Variants in PCDHA8 observed in about 807,000 individuals in gnomAD.
The protein encoded by PCDHA8 is protocadherin alpha 8, also known as protocadherin alpha-8.
In PCDHA8, 53 loss-of-function variants were observed where a neutral mutation model predicts 61.8. That is an observed-to-expected ratio of 0.86 (90% CI 0.69 to 1.08). The LOEUF (loss-of-function observed/expected upper bound fraction) is 1.08, where lower values mean the gene tolerates loss of function less well. Among genes scored for constraint, PCDHA8 ranks in the 50% least tolerant of loss-of-function variants. The pLI is 0.00. For missense variants in PCDHA8, 1,293 were observed against 1,245.0 expected (o/e 1.04, Z -0.58); for synonymous variants, 618 against 556.6 (o/e 1.11, Z -1.55).
At chr5:140,937,705 G>T (rs892429555) in intron 1 of PCDHA8, among the ~76,000 whole-genome samples, 2 of 151,928 alleles carry the variant, frequency 1.3e-5, no homozygotes, top group Admixed American at 6.6e-5. Context: ...GAGGTCAGGA[G>T]ATCAAGACCA....
chr5:140,868,950 C>T, intron 1 of PCDHA8: 2 of 1,308,056 alleles, frequency 1.5e-6, no homozygotes, highest in Admixed American at 5.4e-5. Flanking sequence ...AACAGTGAGG[C>T]ACTCCCATAC....
chr5:140,868,662 A>G (rs2050574102), intron 1 of PCDHA8: 1 of 163,768 alleles, frequency 6.1e-6, no homozygotes, highest in South Asian at 1.6e-4. Context: ...AGTATTTTAG[A>G]TAAGTAAAAG....
chr5:140,854,575 AT>A (rs1416298079), intron 1 of PCDHA8: 1 of 149,968 alleles, frequency 6.7e-6, no homozygotes, highest in Non-Finnish European at 1.5e-5. Context: ...TGTCATTCAG[AT>A]TTTAATAAAA....
At chr5:140,971,843 G>A (rs1250084892) in intron 1 of PCDHA8, among the ~76,000 whole-genome samples, 2 of 151,906 alleles carry the variant, frequency 1.3e-5, no homozygotes, top group African/African-American at 4.8e-5. Flanking sequence ...TGCAAGTCAT[G>A]CGTTAAATAT....
At chr5:140,877,207 G>C in intron 1 of PCDHA8, 3 of 1,613,796 alleles carry the variant, frequency 1.9e-6, no homozygotes, top group Non-Finnish European at 2.5e-6. Context: ...CGCAGTTAGC[G>C]AGTTGGTACC....
At chr5:140,987,316 G>A (rs13153056) in intron 3 of PCDHA8, among the ~76,000 whole-genome samples, 9,624 of 152,218 alleles carry the variant, frequency 0.063, 338 homozygotes, top group East Asian at 0.12. Flanking sequence ...AATGTACTGT[G>A]AAGTTTTAAG....
In PCDHA8 at chr5:140,998,789, C is replaced by T. The variant is rs920510450; in HGVS notation, c.2543-10838C>T. On this transcript the variant is annotated intron_variant, in intron 3 of 3. Transcript: ENST00000531613. ...ATGTTGGTCAGGCTGGTCTGGAACC[C>T]CTGACCTCAGGTGATCTGCCTGCCT... 4.6e-5 allele frequency among the ~76,000 whole-genome samples: 7 copies of T among 152,118 alleles called. 1 individual carries two copies. Among genetic ancestry groups the T allele is most frequent in the Admixed American group, 2.6e-4 (4 of 15,262 alleles).
chr5:140,981,862 T>C (rs1160188291), intron 2 of PCDHA8, among the ~76,000 whole-genome samples: 1 of 152,212 alleles, frequency 6.6e-6, no homozygotes, highest in African/African-American at 2.4e-5. Flanking sequence ...CTCCCAGCAA[T>C]GTTTTATGCT....
At position 140,843,079 on chromosome 5, in the gene PCDHA8, C is replaced by T. The variant is rs2150351971; in HGVS notation, c.1758C>T (p.Gly586=). Residue 586 remains glycine (G), a synonymous_variant, in exon 1 of 4, where the codon GGC becomes GGT. Coordinates refer to ENST00000531613, the MANE Select transcript of PCDHA8 (RefSeq NM_018911.3). ...GCAAGCTGGTGCCGCGGTCTGTGGG[C>T]GCGGGCCACGTGGTAGCGAAGGTGC... ...AASKLVPRSV[G]AGHVVAKVRA... The T allele has an allele frequency of 6.3e-6, 10 of 1,595,344 alleles. 2 individuals carry two copies. The highest frequency in any genetic ancestry group is 2.2e-5 in the East Asian group (1 of 44,804).
chr5:140,944,569 G>A (rs2093670092), intron 1 of PCDHA8, among the ~76,000 whole-genome samples: 1 of 152,158 alleles, frequency 6.6e-6, no homozygotes, highest in African/African-American at 2.4e-5. Context: ...GCAACTTACT[G>A]TAGAGATCAC....
At chr5:140,912,824 A>T (rs1391588183) in intron 1 of PCDHA8, among the ~76,000 whole-genome samples, 3 of 152,170 alleles carry the variant, frequency 2.0e-5, no homozygotes, top group Non-Finnish European at 4.4e-5. Flanking sequence ...AGGGATTTTG[A>T]ATTTTATTAA....
Position 140,853,024 on chromosome 5 carries a change from G to A in PCDHA8, c.2394+9309G>A, listed in dbSNP as rs2150527319. On this transcript the variant is annotated intron_variant, in intron 1 of 3. Coordinates refer to ENST00000531613, the MANE Select transcript of PCDHA8 (RefSeq NM_018911.3). ...CTCCCGAGTAGCTGGGACTACAGGC[G>A]CCTGCCACCATGCCCGCCTAATTTT... 4.2e-5 allele frequency: 11 copies of A among 260,054 alleles called. 1 individual carries two copies. The highest frequency in any genetic ancestry group is 2.6e-4 in the African/African-American group (11 of 42,566). 16.1% of individuals were successfully genotyped at this position (260,054 alleles called of 1,614,324 possible).
At chr5:140,867,903 A>C (rs1010800579) in intron 1 of PCDHA8, 1 of 152,144 alleles carries the variant, frequency 6.6e-6, no homozygotes, top group Non-Finnish European at 1.5e-5. Flanking sequence ...TACTTACAGA[A>C]GGTATAATTA....
rs1554263423 is a variant in PCDHA8 at position 141,011,323 on chromosome 5, C to T, written c.*1386C>T. 1 of 153,686 alleles carries T rather than the reference C, an allele frequency of 6.5e-6. No individual in the cohort carries two copies. The highest frequency in any genetic ancestry group is 1.5e-5 in the Non-Finnish European group (1 of 68,036). The allele number at this position is 153,686 out of a possible 1,614,324, so 9.5% of individuals were successfully genotyped here. A position where few individuals can be genotyped will look rare whatever the true frequency, so the allele number is the denominator to read the frequency against. ...TCTGAATTGCTAATCTTACTAACACCTATGATGTTACCTGAAATCAATCTC... is the reference window on the plus strand; with the variant it reads ...TCTGAATTGCTAATCTTACTAACACTTATGATGTTACCTGAAATCAATCTC... On this transcript the variant is annotated 3_prime_UTR_variant, in exon 4 of 4. Transcript: ENST00000531613.
chr5:140,942,266 T>A (rs2093257794), intron 1 of PCDHA8, among the ~76,000 whole-genome samples: 1 of 152,134 alleles, frequency 6.6e-6, no homozygotes, highest in South Asian at 2.1e-4. Flanking sequence ...TATCTAAAGC[T>A]GGTAATGGTG....
chr5:140,976,486 G>C (rs782708902), intron 1 of PCDHA8, among the ~76,000 whole-genome samples: 1 of 152,078 alleles, frequency 6.6e-6, no homozygotes, highest in Non-Finnish European at 1.5e-5. Flanking sequence ...GGGAGGCAGA[G>C]GTTGCAGGGA....
chr5:140,928,930 C>T, intron 1 of PCDHA8: 1 of 1,614,108 alleles, frequency 6.2e-7, no homozygotes, highest in Non-Finnish European at 8.5e-7. Context: ...GCTTTCTGCC[C>T]AGAACTTGTA....
At chr5:140,961,108 C>T (rs1027018505) in intron 1 of PCDHA8, among the ~76,000 whole-genome samples, 1 of 152,174 alleles carries the variant, frequency 6.6e-6, no homozygotes, top group Non-Finnish European at 1.5e-5. Flanking sequence ...CACCCAACCC[C>T]CTTGCATCTT....
At chr5:140,952,338 CAA>C (rs55931446) in intron 1 of PCDHA8, among the ~76,000 whole-genome samples, 119 of 135,000 alleles carry the variant, frequency 8.8e-4, no homozygotes, top group Admixed American at 1.8e-3. Flanking sequence ...AACTCCATCT[CAA>C]AAAAAAAAAA....
Sources: gnomAD v4.1 joint callset for allele counts (sites outside exome capture counted in the v4.1 genomes callset) on GRCh38, gnomAD v4.1.1 for gene constraint, MANE v1.5 for transcripts, NCBI Gene and HGNC (gene_info 2026-07-23, HGNC 2026-07-21) for gene names.